SLC14A2: variants seen among roughly 807,000 people sequenced by gnomAD.
SLC14A2 encodes urea transporter 2.
Under a neutral mutation model 104.6 loss-of-function variants are expected in SLC14A2, and 91 were observed. The ratio of observed to expected loss-of-function variants is 0.87; its 90% CI spans 0.73 to 1.04. The LOEUF (loss-of-function observed/expected upper bound fraction) is 1.04, where lower values mean the gene tolerates loss of function less well. SLC14A2 is among the 50% of genes least tolerant of loss of function. The pLI is 0.00. For synonymous variants in SLC14A2, 476 were observed against 466.4 expected, an observed-to-expected ratio of 1.02 and a Z score of -0.27; for missense variants, 1,189 against 1,156.0, an observed-to-expected ratio of 1.03 and a Z score of -0.41.
chr18:45,410,911 A>G (rs1334376498), intron 1 of SLC14A2, among the ~76,000 whole-genome samples: 1 of 152,228 alleles, frequency 6.6e-6, no homozygotes, highest in Non-Finnish European at 1.5e-5. Flanking sequence ...ACTGTGTATA[A>G]TTATCTGTTT....
intron 2 of SLC14A2, among the ~76,000 whole-genome samples, chr18:45,527,497 T>G (rs1299616366): frequency 6.6e-6 from 1 of 152,156 alleles, no homozygotes; most frequent in Non-Finnish European, 1.5e-5. Flanking sequence ...ATTACATAAA[T>G]TACTCAACTT....
intron 1 of SLC14A2, among the ~76,000 whole-genome samples, chr18:45,256,185 G>A (rs180965243): frequency 2.0e-5 from 3 of 152,208 alleles, no homozygotes; most frequent in Admixed American, 1.3e-4. Flanking sequence ...GATCTCAGAC[G>A]GTAGAGGAAA....
chr18:45,282,656 G>A (rs749753607), intron 1 of SLC14A2, among the ~76,000 whole-genome samples: 2 of 152,226 alleles, frequency 1.3e-5, no homozygotes, highest in South Asian at 2.1e-4. Context: ...CACCACCCTC[G>A]CTGTGTGAGG....
chr18:45,350,069 T>C (rs1006107902), intron 1 of SLC14A2, among the ~76,000 whole-genome samples: 1 of 152,182 alleles, frequency 6.6e-6, no homozygotes, highest in African/African-American at 2.4e-5. Context: ...CACTCACTGT[T>C]TGGGTCAACA....
intron 8 of SLC14A2, 140 bp downstream of exon 8, chr18:45,641,483 C>T: frequency 4.6e-6 from 4 of 875,786 alleles, no homozygotes; most frequent in African/African-American, 1.7e-5. Context: ...AATGCCAGTG[C>T]TGCCCTTAAC....
At chr18:45,423,678 TA>T (rs869223458) in intron 1 of SLC14A2, 4 of 152,136 alleles carry the variant, frequency 2.6e-5, no homozygotes, top group Admixed American at 6.5e-5. Flanking sequence ...AAAATCTTTT[TA>T]AAAAAATAAT....
At chr18:45,427,086 C>T (rs558506379) in intron 1 of SLC14A2, among the ~76,000 whole-genome samples, 1 of 152,226 alleles carries the variant, frequency 6.6e-6, no homozygotes, top group South Asian at 2.1e-4. Flanking sequence ...TTCCGACATA[C>T]CTGCTGAGGA....
intron 1 of SLC14A2, among the ~76,000 whole-genome samples, chr18:45,300,302 A>G (rs2084955873): frequency 6.6e-6 from 1 of 152,194 alleles, no homozygotes; most frequent in South Asian, 2.1e-4. Flanking sequence ...CTGTATCTTC[A>G]TTTTACAGTG....
intron 2 of SLC14A2, among the ~76,000 whole-genome samples, chr18:45,546,802 C>T (rs1163779889): frequency 6.6e-6 from 1 of 152,140 alleles, no homozygotes; most frequent in Non-Finnish European, 1.5e-5. Flanking sequence ...ACACACATTG[C>T]ACATTGCCAG....
intron 1 of SLC14A2, among the ~76,000 whole-genome samples, chr18:45,422,821 C>T (rs938132675): frequency 4.6e-5 from 7 of 152,314 alleles, no homozygotes; most frequent in South Asian, 2.1e-4. Context: ...TTCTTGTCCT[C>T]TGTCTTCCCT....
At chr18:45,594,948 CCTGT>C (rs2044700339) in intron 2 of SLC14A2, among the ~76,000 whole-genome samples, 1 of 152,148 alleles carries the variant, frequency 6.6e-6, no homozygotes, top group African/African-American at 2.4e-5. Flanking sequence ...ACCCCCAACC[CCTGT>C]GAGACTTCAT....
At chr18:45,498,997 C>T (rs1244018629) in intron 2 of SLC14A2, among the ~76,000 whole-genome samples, 2 of 152,202 alleles carry the variant, frequency 1.3e-5, no homozygotes, top group African/African-American at 2.4e-5. Flanking sequence ...TTACTTGGAC[C>T]CAGCCCCTTA....
chr18:45,447,793 T>A (rs1412193849), intron 1 of SLC14A2, among the ~76,000 whole-genome samples: 1 of 152,238 alleles, frequency 6.6e-6, no homozygotes, highest in Non-Finnish European at 1.5e-5. Context: ...TACCAGATAA[T>A]GAATAATCAC....
At chr18:45,373,744 TCAGA>T (rs998822595) in intron 1 of SLC14A2, among the ~76,000 whole-genome samples, 1 of 152,152 alleles carries the variant, frequency 6.6e-6, no homozygotes, top group African/African-American at 2.4e-5. Context: ...GGCCTTGGGA[TCAGA>T]CAGCCTGTGA....
chr18:45,247,888 TGA>T (rs928934877), intron 1 of SLC14A2, among the ~76,000 whole-genome samples: 33 of 152,220 alleles, frequency 2.2e-4, no homozygotes, highest in African/African-American at 7.5e-4. Flanking sequence ...GAAGCATTGA[TGA>T]GAGAGGAAGG....
chr18:45,241,879 G>A (rs575723840), intron 1 of SLC14A2, among the ~76,000 whole-genome samples: 27 of 152,014 alleles, frequency 1.8e-4, no homozygotes, highest in Non-Finnish European at 3.5e-4. Flanking sequence ...CCGACCTCAG[G>A]TGATTCACCT....
chr18:45,172,596 A>G, the SLC14A2 span, among the ~76,000 whole-genome samples: 1 of 152,124 alleles, frequency 6.6e-6, no homozygotes, highest in African/African-American at 2.4e-5. Context: ...CCTCATTAAA[A>G]GCTATAGCTG....
At chr18:45,340,514 T>G (rs1277622167) in intron 1 of SLC14A2, among the ~76,000 whole-genome samples, 1 of 152,250 alleles carries the variant, frequency 6.6e-6, no homozygotes, top group African/African-American at 2.4e-5. Flanking sequence ...AGAGTATCTC[T>G]GATATTCAAT....
the SLC14A2 span, among the ~76,000 whole-genome samples, chr18:45,193,223 A>T: frequency 2.0e-5 from 3 of 152,212 alleles, no homozygotes; most frequent in Non-Finnish European, 4.4e-5. Flanking sequence ...TCAAAGAGCA[A>T]CATCTGTAAT....
Sources: gnomAD v4.1 joint callset for allele counts (sites outside exome capture counted in the v4.1 genomes callset) on GRCh38, gnomAD v4.1.1 for gene constraint, MANE v1.5 for transcripts, NCBI Gene and HGNC (gene_info 2026-07-23, HGNC 2026-07-21) for gene names.